Variants in TGM3 observed in about 807,000 individuals in gnomAD.
The protein encoded by TGM3 is protein-glutamine gamma-glutamyltransferase E.
In TGM3, 52 loss-of-function variants were observed where a neutral mutation model predicts 73.8. That is an observed-to-expected ratio of 0.70 (90% CI 0.56 to 0.89). The LOEUF (loss-of-function observed/expected upper bound fraction) is 0.89. Ranked by LOEUF, TGM3 falls within the 40% of genes least tolerant of loss-of-function variation. The pLI, the probability that TGM3 is intolerant of heterozygous loss-of-function variation, is 0.00. For missense variants in TGM3, 928 were observed against 909.9 expected (o/e 1.02, Z -0.26); for synonymous variants, 372 against 354.9 (o/e 1.05, Z -0.54).
intron 1 of TGM3, among the ~76,000 whole-genome samples, chr20:2,300,198 A>G (rs1419357549): frequency 6.9e-6 from 1 of 144,388 alleles, no homozygotes; most frequent in Non-Finnish European, 1.5e-5. Flanking sequence ...AAAGAAATAG[A>G]AAGAGAAAGA....
rs1156290091 is a variant in TGM3 at position 2,340,960 on chromosome 20, C to A, written c.*379C>A. On this transcript the variant is annotated 3_prime_UTR_variant, in exon 13 of 13. Transcript: ENST00000381458. ...GTCTAGACTGTTTGCTGATCCCCAA[C>A]CTGCACGGGGCATTCCTGCTTCTCT... is the stretch of plus-strand genomic sequence containing the variant. The A allele has an allele frequency of 4.3e-6, 2 of 466,146 alleles. No homozygotes were observed. Among genetic ancestry groups the A allele is most frequent in the African/African-American group, 2.0e-5 (1 of 50,528 alleles). 28.9% of individuals were successfully genotyped at this position (466,146 alleles called of 1,614,324 possible).
At chr20:2,326,899 A>C (rs1469460811) in intron 8 of TGM3, among the ~76,000 whole-genome samples, 1 of 152,182 alleles carries the variant, frequency 6.6e-6, no homozygotes, top group Non-Finnish European at 1.5e-5. Context: ...GTTGAAAAAA[A>C]TTCAAACTAT....
At chr20:2,303,085 G>A (rs1256208989) in intron 1 of TGM3, among the ~76,000 whole-genome samples, 1 of 152,164 alleles carries the variant, frequency 6.6e-6, no homozygotes, top group African/African-American at 2.4e-5. Context: ...GATCATTTGA[G>A]GTCGGGAGTT....
intron 5 of TGM3, among the ~76,000 whole-genome samples, chr20:2,316,365 G>T (rs1322141831): frequency 1.3e-5 from 2 of 152,078 alleles, no homozygotes; most frequent in Non-Finnish European, 2.9e-5. Flanking sequence ...GATCACTTGA[G>T]GTCAGCCTAA....
Position 2,329,939 on chromosome 20 carries a change from C to A in TGM3, c.1333+1574C>A, listed in dbSNP as rs141930276. ...CAAGGTGACTATTTTGCAGGCGCTG[C>A]TTACATGACTGTACGATCCTGTGGG... is the stretch of plus-strand genomic sequence containing the variant. On this transcript the variant is annotated intron_variant, in intron 9 of 12. Coordinates refer to ENST00000381458, the MANE Select transcript of TGM3 (RefSeq NM_003245.4). Among the ~76,000 whole-genome samples, 380 of 152,224 alleles carry A rather than the reference C, an allele frequency of 2.5e-3. 1 individual carries two copies. Among genetic ancestry groups the A allele is most frequent in the African/African-American group, 8.8e-3 (367 of 41,512 alleles).
intron 1 of TGM3, among the ~76,000 whole-genome samples, chr20:2,300,179 GAGAAAGAGAAAGAAAT>G (rs1337035941): frequency 2.8e-5 from 4 of 144,890 alleles, no homozygotes; most frequent in South Asian, 2.2e-4. Context: ...GGAAAAGAAA[GAGAAAGAGAAAGAAAT>G]AGAAAGAGAA....
chr20:2,316,145 G>A (rs555749363), intron 5 of TGM3, among the ~76,000 whole-genome samples: 35 of 152,250 alleles, frequency 2.3e-4, no homozygotes, highest in African/African-American at 8.2e-4. Context: ...GCTGCCTCTT[G>A]GTTGTGTCAC....
intron 4 of TGM3, among the ~76,000 whole-genome samples, chr20:2,311,392 A>G (rs543289948): frequency 6.6e-6 from 1 of 152,288 alleles, no homozygotes; most frequent in East Asian, 1.9e-4. Context: ...ACATAACTCA[A>G]TTGATGCAAT....
At chr20:2,338,714 C>CA (rs2084364115) in intron 11 of TGM3, among the ~76,000 whole-genome samples, 1 of 152,198 alleles carries the variant, frequency 6.6e-6, no homozygotes, top group Non-Finnish European at 1.5e-5. Context: ...AAAAACAAAA[C>CA]ACAGCAACAA....
intron 8 of TGM3, among the ~76,000 whole-genome samples, chr20:2,327,724 C>A (rs1337946890): frequency 6.6e-6 from 1 of 152,108 alleles, no homozygotes; most frequent in Non-Finnish European, 1.5e-5. Context: ...TCCCTGCAGG[C>A]TGCCTGTTCA....
rs755444582 is a variant in TGM3 at position 2,309,643 on chromosome 20, T to C, written c.8-14T>C. On this transcript the variant is annotated splice_polypyrimidine_tract_variant and intron_variant, in intron 1 of 12. Coordinates refer to ENST00000381458, the MANE Select transcript of TGM3 (RefSeq NM_003245.4). ...TGCCTCCTAGGACTTCAGGTTCTCCTTTCTGCCTCACAGCTCTAGGAGTCC... is the reference window on the plus strand; with the variant it reads ...TGCCTCCTAGGACTTCAGGTTCTCCCTTCTGCCTCACAGCTCTAGGAGTCC... The C allele has an allele frequency of 6.2e-7, 1 of 1,613,114 alleles. No homozygotes were observed. The highest frequency in any genetic ancestry group is 1.1e-5 in the South Asian group (1 of 91,040).
chr20:2,321,648 T>C (rs2084263511), intron 7 of TGM3, among the ~76,000 whole-genome samples: 2 of 152,254 alleles, frequency 1.3e-5, no homozygotes, highest in South Asian at 4.1e-4. Context: ...TTTTAATAAA[T>C]GCCTTGGATA....
intron 9 of TGM3, 129 bp from the exon 10 acceptor site, chr20:2,331,873 A>T (rs766111948): frequency 4.6e-6 from 5 of 1,097,082 alleles, no homozygotes; most frequent in Non-Finnish European, 6.6e-6. Flanking sequence ...GACCTGTGAA[A>T]GTCGAATGCC....
In TGM3 at chr20:2,296,512, T is replaced by C. The variant is rs1428242884; in HGVS notation, c.7+442T>C. ...TCTCAGAACTACCAGGGAGTGAGAG[T>C]GGTAACATGTAAGTTGATTTGAAAG... On this transcript the variant is annotated intron_variant, in intron 1 of 12. Coordinates refer to ENST00000381458, the MANE Select transcript of TGM3 (RefSeq NM_003245.4). Among the ~76,000 whole-genome samples the C allele has an allele frequency of 2.0e-5, 3 of 151,298 alleles. No individual in the cohort carries two copies. In the South Asian group the frequency reaches 6.3e-4, roughly 32 times the overall value.
At chr20:2,336,258 A>G (rs921627454) in intron 11 of TGM3, among the ~76,000 whole-genome samples, 1 of 152,106 alleles carries the variant, frequency 6.6e-6, no homozygotes, top group African/African-American at 2.4e-5. Context: ...GGAACCAGGG[A>G]GTATAGGTCT....
In TGM3 at chr20:2,328,885, C is replaced by T. The variant is rs2084304988; in HGVS notation, c.1333+520C>T. Among the ~76,000 whole-genome samples, 1 of 152,206 alleles carries T rather than the reference C, an allele frequency of 6.6e-6. No individual in the cohort carries two copies. The highest frequency in any genetic ancestry group is 2.1e-4 in the South Asian group (1 of 4,836). ...GAGGTGTGATTACATGGTGTGAATG[C>T]CTGAGCTCCTGAAATCTCAGGCATG... On this transcript the variant is annotated intron_variant, in intron 9 of 12. Coordinates refer to ENST00000381458, the MANE Select transcript of TGM3 (RefSeq NM_003245.4). This position sits in a 1 kb window ranked among gnomAD's most constrained non-coding sequence, Gnocchi z 5.2.
chr20:2,316,621 A>G (rs1365064000), intron 5 of TGM3, among the ~76,000 whole-genome samples: 1 of 151,916 alleles, frequency 6.6e-6, no homozygotes, highest in Non-Finnish European at 1.5e-5. Context: ...AATAAAATAA[A>G]TAAAGTGATC....
rs2084213825 is a variant in TGM3, at chr20:2,312,789, G to A, written c.541-109G>A. ...GTAGCTCTCAGTTCCAGAGGCCACAGAGTCAAAGGATCTGATAGTTCCTGT... is the reference window on the plus strand; with the variant it reads ...GTAGCTCTCAGTTCCAGAGGCCACAAAGTCAAAGGATCTGATAGTTCCTGT... On this transcript the variant is annotated intron_variant, in intron 4 of 12. Coordinates refer to ENST00000381458, the MANE Select transcript of TGM3 (RefSeq NM_003245.4). 3 of 1,479,068 alleles carry A rather than the reference G, an allele frequency of 2.0e-6. No individual in the cohort carries two copies. The Admixed American group carries it at 5.4e-5, about 26-fold the overall frequency. 91.6% of individuals were successfully genotyped at this position (1,479,068 alleles called of 1,614,324 possible). A position where few individuals can be genotyped will look rare whatever the true frequency, so the allele number is the denominator to read the frequency against.
At chr20:2,297,683 T>C (rs564310913) in intron 1 of TGM3, among the ~76,000 whole-genome samples, 3 of 152,288 alleles carry the variant, frequency 2.0e-5, no homozygotes, top group Admixed American at 2.0e-4. Flanking sequence ...GCGAATACAT[T>C]CAGTCCCTTA....
Sources: gnomAD v4.1 joint callset for allele counts (sites outside exome capture counted in the v4.1 genomes callset) on GRCh38, gnomAD v4.1.1 for gene constraint, Gnocchi (gnomAD v3.1) non-coding constraint, MANE v1.5 for transcripts, NCBI Gene and HGNC (gene_info 2026-07-23, HGNC 2026-07-21) for gene names.